Variants in PDE1C observed in about 807,000 individuals in gnomAD.
PDE1C encodes dual specificity calcium/calmodulin-dependent 3',5'-cyclic nucleotide phosphodiesterase 1C.
In PDE1C, 62 loss-of-function variants were observed where a neutral mutation model predicts 93.1. The ratio of observed to expected loss-of-function variants is 0.67; its 90% CI spans 0.54 to 0.82. PDE1C has a LOEUF of 0.82. Among genes scored for constraint, PDE1C ranks in the 40% least tolerant of loss-of-function variants. The pLI, the probability that PDE1C is intolerant of heterozygous loss-of-function variation, is 0.00. For synonymous variants in PDE1C, 325 were observed against 310.1 expected, an observed-to-expected ratio of 1.05 and a Z score of -0.50; for missense variants, 742 against 884.6, an observed-to-expected ratio of 0.84 and a Z score of 2.04.
chr7:32,308,086 G>T (rs111367791), intron 1 of PDE1C, among the ~76,000 whole-genome samples: 1 of 152,176 alleles, frequency 6.6e-6, no homozygotes, highest in Non-Finnish European at 1.5e-5. Context: ...ATTATATCCC[G>T]CACATGGCTC....
intron 1 of PDE1C, among the ~76,000 whole-genome samples, chr7:32,374,022 A>T (rs1784375946): frequency 7.1e-6 from 1 of 141,634 alleles, no homozygotes; most frequent in Admixed American, 7.1e-5. Flanking sequence ...AGAAAGAAAG[A>T]AAAATGGAGA....
intron 2 of PDE1C, among the ~76,000 whole-genome samples, chr7:31,917,238 T>C (rs961205909): frequency 1.3e-5 from 2 of 152,190 alleles, no homozygotes; most frequent in African/African-American, 4.8e-5. Flanking sequence ...AGATAGAAGA[T>C]AGGTTACATT....
chr7:31,702,618 C>A, the PDE1C span, among the ~76,000 whole-genome samples: 2 of 152,174 alleles, frequency 1.3e-5, no homozygotes, highest in Non-Finnish European at 1.5e-5. Flanking sequence ...TTTGTCATCT[C>A]TTTTAGTATT....
chr7:31,991,917 T>C (rs1417308762), intron 2 of PDE1C, among the ~76,000 whole-genome samples: 1 of 152,196 alleles, frequency 6.6e-6, no homozygotes, highest in Non-Finnish European at 1.5e-5. Context: ...TGTGAATCAT[T>C]GTGTTTATCC....
chr7:32,097,784 G>A (rs1019580717), intron 3 of PDE1C, among the ~76,000 whole-genome samples: 2 of 152,176 alleles, frequency 1.3e-5, no homozygotes, highest in African/African-American at 2.4e-5. Flanking sequence ...ACAGAAAAGC[G>A]TAGTTGCTAG....
chr7:32,345,274 G>A (rs1351403444), intron 1 of PDE1C, among the ~76,000 whole-genome samples: 1 of 152,214 alleles, frequency 6.6e-6, no homozygotes, highest in African/African-American at 2.4e-5. Context: ...TACCTGCAGT[G>A]GGGAGGAAAG....
At chr7:32,374,119 G>A (rs140139606) in intron 1 of PDE1C, among the ~76,000 whole-genome samples, 1 of 125,672 alleles carries the variant, frequency 8.0e-6, no homozygotes, top group Admixed American at 8.8e-5. Flanking sequence ...AAGGAAGGAA[G>A]GAGAGAGAGA....
the PDE1C span, among the ~76,000 whole-genome samples, chr7:31,728,759 AGAGTT>A: frequency 3.3e-5 from 5 of 152,220 alleles, no homozygotes; most frequent in Non-Finnish European, 5.9e-5. Flanking sequence ...AGCAGGAGGT[AGAGTT>A]AAGTCCTGCC....
the PDE1C span, chr7:31,652,591 G>C: frequency 1.9e-6 from 3 of 1,612,722 alleles, no homozygotes; most frequent in Non-Finnish European, 2.5e-6. Context: ...ATAGAAGAAA[G>C]CAATGGGCAG....
chr7:31,968,867 A>G (rs922854370), intron 2 of PDE1C, among the ~76,000 whole-genome samples: 63 of 152,232 alleles, frequency 4.1e-4, no homozygotes, highest in Non-Finnish European at 8.2e-4. Flanking sequence ...CCTGACAAAA[A>G]CAAGCAATGG....
chr7:31,702,751 T>G, the PDE1C span, among the ~76,000 whole-genome samples: 11 of 152,370 alleles, frequency 7.2e-5, no homozygotes, highest in South Asian at 1.9e-3. Flanking sequence ...TTGATCTTGA[T>G]ATCTAGTCCA....
intron 9 of PDE1C, among the ~76,000 whole-genome samples, chr7:31,845,966 C>T (rs1792520495): frequency 6.6e-6 from 1 of 152,014 alleles, no homozygotes; most frequent in Non-Finnish European, 1.5e-5. Context: ...GCACTCCAGT[C>T]TAGGTGACAG....
rs143109708 is a variant in PDE1C at position 32,150,309 on chromosome 7, C to A, written c.308+19476G>T. On this transcript the variant is annotated intron_variant, in intron 3 of 18. Transcript: ENST00000396193. Reference sequence around the variant, plus strand: ...TGTAAGAGAGTCAGCCACATTAAGTCCTCAGTGATAAAGAGCCTAGAATGT... The same window carrying A: ...TGTAAGAGAGTCAGCCACATTAAGTACTCAGTGATAAAGAGCCTAGAATGT... Among the ~76,000 whole-genome samples the A allele has an allele frequency of 4.6e-3, 695 of 152,290 alleles. 9 individuals are homozygous for A. Among genetic ancestry groups the A allele is most frequent in the African/African-American group, 0.016 (661 of 41,556 alleles).
intron 3 of PDE1C, among the ~76,000 whole-genome samples, chr7:32,161,886 G>A (rs572233057): frequency 6.6e-6 from 1 of 152,294 alleles, no homozygotes; most frequent in East Asian, 1.9e-4. Flanking sequence ...ATGCTGAGGG[G>A]TTGAGGACAC....
intron 3 of PDE1C, among the ~76,000 whole-genome samples, chr7:32,120,274 G>A (rs530299928): frequency 7.2e-5 from 11 of 152,320 alleles, no homozygotes; most frequent in East Asian, 3.9e-4. Context: ...AAGGGTGGCC[G>A]CAGTCTCTGC....
chr7:31,692,659 A>G, the PDE1C span: 2 of 733,600 alleles, frequency 2.7e-6, no homozygotes, highest in Admixed American at 2.6e-5. Flanking sequence ...GACAGCCAAC[A>G]CCAGATGGGC....
chr7:32,229,209 C>A (rs982277329), intron 1 of PDE1C, among the ~76,000 whole-genome samples: 1 of 152,200 alleles, frequency 6.6e-6, no homozygotes, highest in Non-Finnish European at 1.5e-5. Flanking sequence ...CACCACGACC[C>A]TGTGAGGTAG....
intron 1 of PDE1C, among the ~76,000 whole-genome samples, chr7:32,339,887 G>A (rs1783714534): frequency 6.6e-6 from 1 of 152,094 alleles, no homozygotes; most frequent in Non-Finnish European, 1.5e-5. Context: ...TGAGATCTGT[G>A]GTCTTACATT....
At chr7:32,371,580 G>A (rs1263241522) in intron 1 of PDE1C, among the ~76,000 whole-genome samples, 1 of 152,132 alleles carries the variant, frequency 6.6e-6, no homozygotes, top group African/African-American at 2.4e-5. Flanking sequence ...AAAAATGGCT[G>A]GCCATTGAGT....
Sources: allele counts gnomAD v4.1 joint callset (sites outside exome capture counted in the v4.1 genomes callset), GRCh38; gene constraint gnomAD v4.1.1; transcripts MANE v1.5; gene names NCBI Gene and HGNC (gene_info 2026-07-23, HGNC 2026-07-21).